The following EHHADH variants were observed in gnomAD, a reference collection of about 807,000 sequenced individuals.
EHHADH encodes peroxisomal bifunctional enzyme.
Under a neutral mutation model 64.4 loss-of-function variants are expected in EHHADH, and 48 were observed. That is an observed-to-expected ratio of 0.75 (90% CI 0.59 to 0.95). EHHADH has a LOEUF of 0.95. Ranked by LOEUF, EHHADH falls within the 40% of genes least tolerant of loss-of-function variation. EHHADH has a pLI of 0.00. For synonymous variants in EHHADH, 308 were observed against 326.7 expected (o/e 0.94, Z 0.62); for missense variants, 854 against 876.6 (o/e 0.97, Z 0.33).
chr3:185,198,441 G>C (rs944960611), intron 6 of EHHADH, among the ~76,000 whole-genome samples: 3 of 151,494 alleles, frequency 2.0e-5, no homozygotes, highest in Non-Finnish European at 4.4e-5. Flanking sequence ...GGCTGGTCTC[G>C]AACTCCTGAC....
intron 6 of EHHADH, among the ~76,000 whole-genome samples, chr3:185,200,840 G>A (rs2108627383): frequency 6.6e-6 from 1 of 152,284 alleles, no homozygotes; most frequent in East Asian, 1.9e-4. Context: ...CTGCGGGGCT[G>A]AGAAGCCTGG....
intron 4 of EHHADH, among the ~76,000 whole-genome samples, chr3:185,223,888 G>C (rs1718900701): frequency 6.6e-6 from 1 of 152,216 alleles, no homozygotes; most frequent in African/African-American, 2.4e-5. Flanking sequence ...TGATTGGACA[G>C]AGAACATCAG....
intron 2 of EHHADH, among the ~76,000 whole-genome samples, chr3:185,238,871 C>A (rs1004847088): frequency 7.2e-5 from 11 of 152,066 alleles, no homozygotes; most frequent in Non-Finnish European, 1.2e-4. Flanking sequence ...AGGCCAACGT[C>A]CAAAAGAGAT....
rs1409945651 is a variant in EHHADH, at chr3:185,191,567, G to C, written c.*659C>G. On this transcript the variant is annotated 3_prime_UTR_variant, in exon 7 of 7. Transcript: ENST00000231887. ...ACATCACAGAGGCTTGTCATGACAGGAAAACTGGTGTCATTACTCTATCAC... is the reference window on the plus strand; with the variant it reads ...ACATCACAGAGGCTTGTCATGACAGCAAAACTGGTGTCATTACTCTATCAC... 6.6e-6 allele frequency: 1 copy of C among 152,176 alleles called. No individual in the cohort carries two copies. Among genetic ancestry groups the C allele is most frequent in the Non-Finnish European group, 1.5e-5 (1 of 68,042 alleles). The allele number at this position is 152,176 out of a possible 1,614,324, so 9.4% of individuals were successfully genotyped here.
intron 5 of EHHADH, among the ~76,000 whole-genome samples, chr3:185,206,072 G>T (rs986389864): frequency 6.6e-6 from 1 of 151,866 alleles, no homozygotes; most frequent in Non-Finnish European, 1.5e-5. Context: ...TGACTCATAC[G>T]ATCTCAAACG....
intron 1 of EHHADH, 173 bp downstream of exon 1, chr3:185,253,776 A>AT: frequency 1.5e-6 from 2 of 1,311,048 alleles, no homozygotes; most frequent in Non-Finnish European, 2.0e-6. Flanking sequence ...AAAAAAAAAA[A>AT]GAAAAGAAAA....
intron 2 of EHHADH, among the ~76,000 whole-genome samples, chr3:185,238,168 C>T (rs1034042691): frequency 6.6e-6 from 1 of 151,832 alleles, no homozygotes; most frequent in Admixed American, 6.6e-5. Context: ...ATTGATAGAC[C>T]CTTAGGTTGA....
intron 2 of EHHADH, among the ~76,000 whole-genome samples, chr3:185,242,456 G>C (rs369447326): frequency 6.6e-6 from 1 of 152,186 alleles, no homozygotes; most frequent in Non-Finnish European, 1.5e-5. Context: ...CATGGTACTA[G>C]TATAAAAATA....
At chr3:185,214,542 AT>A (rs1227505659) in intron 5 of EHHADH, among the ~76,000 whole-genome samples, 1 of 151,894 alleles carries the variant, frequency 6.6e-6, no homozygotes, top group Non-Finnish European at 1.5e-5. Context: ...GAAAAGATAA[AT>A]TTTTTTTCAA....
Position 185,248,282 on chromosome 3 carries a change from C to G in EHHADH, c.178+132G>C. ...TCCTGTCCCTTTCTCCACAGTGTTA[C>G]TCATTCTCACTCAAGTCTGCCATAT... On this transcript the variant is annotated intron_variant, in intron 2 of 6. Transcript: ENST00000231887. The G allele has an allele frequency of 8.2e-6, 6 of 734,022 alleles. No homozygotes were observed. The South Asian group carries it at 9.5e-5, about 12-fold the overall frequency. 45.5% of individuals were successfully genotyped at this position (734,022 alleles called of 1,614,324 possible).
Position 185,216,413 on chromosome 3 carries a change from C to T in EHHADH, c.568+1723G>A, listed in dbSNP as rs1372744931. 6.6e-6 allele frequency among the ~76,000 whole-genome samples: 1 copy of T among 152,212 alleles called. No individual in the cohort carries two copies. The highest frequency in any genetic ancestry group is 1.5e-5 in the Non-Finnish European group (1 of 68,040). ...AGCAAACCAAAGAATCATTTCGGGA[C>T]CTCCAAATGCAAATAGCCTTTGCTG... On this transcript the variant is annotated intron_variant, in intron 5 of 6. Transcript: ENST00000231887. The surrounding 1 kb of genome is among the most constrained non-coding windows in gnomAD (Gnocchi z 5.3).
chr3:185,200,921 A>G (rs1208993127), intron 6 of EHHADH, among the ~76,000 whole-genome samples: 1 of 152,162 alleles, frequency 6.6e-6, no homozygotes, highest in Non-Finnish European at 1.5e-5. Context: ...GCACAATGGA[A>G]GGGCAATGAA....
At chr3:185,204,358 T>G (rs2108629439) in intron 6 of EHHADH, 58 bp downstream of exon 6, 1 of 1,470,108 alleles carries the variant, frequency 6.8e-7, no homozygotes, top group Admixed American at 1.9e-5. Context: ...CCTAAGCAAA[T>G]GGTAGCACAT....
intron 4 of EHHADH, among the ~76,000 whole-genome samples, chr3:185,224,866 T>C (rs888683676): frequency 3.3e-5 from 5 of 152,220 alleles, no homozygotes; most frequent in African/African-American, 7.2e-5. Context: ...AGGACTCTTG[T>C]GATAAAATGG....
chr3:185,221,567 A>ATTT (rs982017002), intron 4 of EHHADH, among the ~76,000 whole-genome samples: 2 of 107,520 alleles, frequency 1.9e-5, no homozygotes, highest in Non-Finnish European at 1.9e-5. Flanking sequence ...GCCTCATGAT[A>ATTT]TTTTTTTTTC....
At chr3:185,200,436 G>A (rs1718191719) in intron 6 of EHHADH, among the ~76,000 whole-genome samples, 1 of 152,130 alleles carries the variant, frequency 6.6e-6, no homozygotes, top group Non-Finnish European at 1.5e-5. Context: ...AGAACAAGAA[G>A]GTTGAACAGC....
At chr3:185,249,811 T>C (rs1479905791) in intron 1 of EHHADH, among the ~76,000 whole-genome samples, 1 of 151,868 alleles carries the variant, frequency 6.6e-6, no homozygotes, top group Admixed American at 6.6e-5. Flanking sequence ...AAGACTATAT[T>C]TTCCAGCCTG....
chr3:185,201,419 C>G (rs374712659), intron 6 of EHHADH, among the ~76,000 whole-genome samples: 11 of 152,098 alleles, frequency 7.2e-5, no homozygotes, highest in African/African-American at 2.4e-4. Context: ...GGACAGTGTC[C>G]CATAAAGCGC....
chr3:185,251,775 T>G (rs1460731100), intron 1 of EHHADH, among the ~76,000 whole-genome samples: 3 of 151,984 alleles, frequency 2.0e-5, no homozygotes, highest in Non-Finnish European at 4.4e-5. Context: ...CTGTTAAACT[T>G]GAGGAACTCC....
Sources: allele counts gnomAD v4.1 joint callset (sites outside exome capture counted in the v4.1 genomes callset), GRCh38; gene constraint gnomAD v4.1.1; non-coding constraint Gnocchi (gnomAD v3.1); transcripts MANE v1.5; gene names NCBI Gene and HGNC (gene_info 2026-07-23, HGNC 2026-07-21).